The following BACH2 variants were observed in gnomAD, a reference collection of about 807,000 sequenced individuals.
BACH2 encodes BACH transcriptional regulator 2.
In BACH2, 5 loss-of-function variants were observed where a neutral mutation model predicts 61.8. That is an observed-to-expected ratio of 0.08 (90% CI 0.04 to 0.17). BACH2 has a LOEUF of 0.17. Among genes scored for constraint, BACH2 ranks in the 10% least tolerant of loss-of-function variants. The pLI, the probability that BACH2 is intolerant of heterozygous loss-of-function variation, is 1.00. For synonymous variants in BACH2, 446 were observed against 440.1 expected (o/e 1.01, Z -0.17); for missense variants, 824 against 1,091.1 (o/e 0.76, Z 3.45).
chr6:90,128,849 T>C (rs1364531309), intron 4 of BACH2, among the ~76,000 whole-genome samples: 3 of 152,200 alleles, frequency 2.0e-5, no homozygotes. Context: ...TAAGAAAATG[T>C]GGCACATATA....
intron 4 of BACH2, among the ~76,000 whole-genome samples, chr6:90,186,447 AACAGT>A (rs1768358534): frequency 6.6e-6 from 1 of 151,514 alleles, no homozygotes. Flanking sequence ...CCTATCAATA[AACAGT>A]AGCTTTTTGT....
chr6:90,025,326 A>G (rs1024870384), intron 5 of BACH2, among the ~76,000 whole-genome samples: 2 of 152,164 alleles, frequency 1.3e-5, no homozygotes, highest in South Asian at 4.1e-4. Context: ...CCCAGTTAAG[A>G]GTAAAGCCAA....
chr6:90,209,331 G>A (rs1003228675), intron 3 of BACH2, among the ~76,000 whole-genome samples: 1 of 152,052 alleles, frequency 6.6e-6, no homozygotes, highest in Admixed American at 6.6e-5. Context: ...TGATGCCTGG[G>A]TAATCATGGC....
intron 6 of BACH2, among the ~76,000 whole-genome samples, chr6:89,962,218 A>C (rs1236283108): frequency 6.6e-6 from 1 of 152,174 alleles, no homozygotes; most frequent in East Asian, 1.9e-4. Flanking sequence ...TACTTCATCC[A>C]GTCTGGGAGC....
At chr6:90,259,941 G>A (rs539772612) in intron 2 of BACH2, among the ~76,000 whole-genome samples, 2 of 151,448 alleles carry the variant, frequency 1.3e-5, no homozygotes, top group East Asian at 1.9e-4. Flanking sequence ...TTTTACTTGA[G>A]TTTTCTTTTT....
chr6:89,941,510 G>C (rs1469866811), intron 7 of BACH2, among the ~76,000 whole-genome samples: 2 of 152,240 alleles, frequency 1.3e-5, no homozygotes, highest in African/African-American at 4.8e-5. Flanking sequence ...CAGGCAGCCA[G>C]GACAAACAGT....
At chr6:90,049,130 A>T (rs1779920540) in intron 5 of BACH2, among the ~76,000 whole-genome samples, 1 of 152,232 alleles carries the variant, frequency 6.6e-6, no homozygotes, top group Non-Finnish European at 1.5e-5. Context: ...AATCTGATCC[A>T]ATCATTCCAT....
intron 4 of BACH2, among the ~76,000 whole-genome samples, chr6:90,115,093 TGCCCGAA>T (rs1412003844): frequency 6.6e-6 from 1 of 152,204 alleles, no homozygotes. Context: ...ATGGCTATAC[TGCCCGAA>T]GCAATTTACA....
chr6:90,119,381 T>C (rs996219554), intron 4 of BACH2, among the ~76,000 whole-genome samples: 1 of 152,320 alleles, frequency 6.6e-6, no homozygotes, highest in African/African-American at 2.4e-5. Flanking sequence ...AATTCACATA[T>C]ACCAAAAATC....
chr6:90,148,740 C>G (rs368691063), intron 4 of BACH2, among the ~76,000 whole-genome samples: 102 of 152,304 alleles, frequency 6.7e-4, no homozygotes, highest in African/African-American at 2.3e-3. Context: ...CTGTAAGACA[C>G]ATTCAGGAAT....
At chr6:90,128,935 C>T (rs1303319706) in intron 4 of BACH2, among the ~76,000 whole-genome samples, 1 of 151,990 alleles carries the variant, frequency 6.6e-6, no homozygotes, top group African/African-American at 2.4e-5. Context: ...AGCTGGAAAC[C>T]ATCATTCTCA....
At chr6:89,940,975 C>T (rs2128354477) in intron 7 of BACH2, among the ~76,000 whole-genome samples, 1 of 152,026 alleles carries the variant, frequency 6.6e-6, no homozygotes, top group African/African-American at 2.4e-5. Flanking sequence ...GGCAAATGGA[C>T]TGGACAGTGC....
chr6:90,246,657 G>A (rs759068502), intron 3 of BACH2, among the ~76,000 whole-genome samples: 1 of 152,016 alleles, frequency 6.6e-6, no homozygotes, highest in Admixed American at 6.6e-5. Context: ...TAAAAATTAG[G>A]ATTTATAAAA....
intron 5 of BACH2, among the ~76,000 whole-genome samples, chr6:90,053,997 T>C (rs1196208541): frequency 6.6e-6 from 1 of 152,198 alleles, no homozygotes; most frequent in Non-Finnish European, 1.5e-5. Context: ...GGAGCCAAGA[T>C]GGCCGAATAG....
chr6:90,040,627 T>C (rs1779488419), intron 5 of BACH2, among the ~76,000 whole-genome samples: 1 of 152,162 alleles, frequency 6.6e-6, no homozygotes, highest in Non-Finnish European at 1.5e-5. Context: ...AGGTTTTCTG[T>C]CCAAGGACAT....
intron 4 of BACH2, among the ~76,000 whole-genome samples, chr6:90,183,362 T>A (rs1018622453): frequency 2.0e-5 from 3 of 152,240 alleles, no homozygotes; most frequent in African/African-American, 4.8e-5. Flanking sequence ...TGTCCATATA[T>A]AACATACAGT....
At position 90,131,073 on chromosome 6, in the gene BACH2, C is replaced by T. The variant is rs1036128347; in HGVS notation, c.-161-41964G>A. 9.9e-5 allele frequency among the ~76,000 whole-genome samples: 15 copies of T among 152,266 alleles called. No individual in the cohort carries two copies. In the Middle Eastern group the frequency reaches 0.01, roughly 104 times the overall value. On this transcript the variant is annotated intron_variant, in intron 4 of 8. Transcript: ENST00000257749. Reference sequence around the variant, plus strand: ...TTGACTTTCACATCAGTATCACCTACCCCACCTGACAAATCCAGGAGTGGG... The same window carrying T: ...TTGACTTTCACATCAGTATCACCTATCCCACCTGACAAATCCAGGAGTGGG...
intron 6 of BACH2, 146 bp from the exon 7 acceptor site, chr6:89,952,008 G>T: frequency 2.2e-6 from 2 of 909,434 alleles, no homozygotes; most frequent in Non-Finnish European, 3.3e-6. Context: ...TACTGGGTCA[G>T]CAATGATTCT....
At chr6:90,104,941 C>T (rs899483382) in intron 4 of BACH2, among the ~76,000 whole-genome samples, 1 of 152,204 alleles carries the variant, frequency 6.6e-6, no homozygotes, top group Non-Finnish European at 1.5e-5. Context: ...AAATTTAAAT[C>T]TGGCCTTCCG....
Sources: allele counts gnomAD v4.1 joint callset (sites outside exome capture counted in the v4.1 genomes callset), GRCh38; gene constraint gnomAD v4.1.1; transcripts MANE v1.5; gene names NCBI Gene and HGNC (gene_info 2026-07-23, HGNC 2026-07-21).